The following PURG variants were observed in gnomAD, a reference collection of about 807,000 sequenced individuals.
PURG encodes the protein purine-rich element-binding protein gamma.
Under a neutral mutation model 24.3 loss-of-function variants are expected in PURG, and 3 were observed. The ratio of observed to expected loss-of-function variants is 0.12; its 90% CI spans 0.06 to 0.32. The LOEUF is 0.32. PURG is among the 10% of genes least tolerant of loss of function. The pLI is 1.00. For synonymous variants in PURG, 180 were observed against 173.1 expected, an observed-to-expected ratio of 1.04 and a Z score of -0.31; for missense variants, 371 against 439.1, an observed-to-expected ratio of 0.84 and a Z score of 1.39.
intron 1 of PURG, among the ~76,000 whole-genome samples, chr8:31,020,113 G>A (rs911088677): frequency 7.9e-5 from 12 of 151,910 alleles, no homozygotes; most frequent in South Asian, 6.2e-4. Context: ...AGAGTTTGAA[G>A]ACAAAAAAAG....
Position 31,007,509 on chromosome 8 carries a change from T to C in PURG, c.865-10812A>G, listed in dbSNP as rs1296372226. Among the ~76,000 whole-genome samples, 5 of 152,340 alleles carry C rather than the reference T, an allele frequency of 3.3e-5. No homozygotes were observed. In the East Asian group the frequency reaches 9.6e-4, roughly 29 times the overall value. On this transcript the variant is annotated intron_variant, in intron 1 of 1. Transcript: ENST00000339382. ...GAAGGATAAAAACAAATATTCTGAATGACGTCTATATAATCTCACTGATTC... is the reference window on the plus strand; with the variant it reads ...GAAGGATAAAAACAAATATTCTGAACGACGTCTATATAATCTCACTGATTC...
chr8:31,018,620 C>T (rs1810918918), intron 1 of PURG, among the ~76,000 whole-genome samples: 1 of 152,082 alleles, frequency 6.6e-6, no homozygotes, highest in Non-Finnish European at 1.5e-5. Context: ...CTGTAATGAT[C>T]CATTTGAGTT....
chr8:31,014,709 G>A (rs1585359846), intron 1 of PURG, among the ~76,000 whole-genome samples: 4 of 152,212 alleles, frequency 2.6e-5, no homozygotes, highest in East Asian at 1.9e-4. Flanking sequence ...TACTACTTAC[G>A]TTATAAAGTG....
intron 1 of PURG, among the ~76,000 whole-genome samples, chr8:31,016,268 T>C (rs960290500): frequency 2.6e-5 from 4 of 151,838 alleles, no homozygotes; most frequent in African/African-American, 7.3e-5. Flanking sequence ...CAGTCCCAGC[T>C]ACTCAGGAGG....
downstream of PURG, among the ~76,000 whole-genome samples, chr8:31,026,518 C>G (rs569504791): frequency 1.1e-4 from 16 of 150,668 alleles, no homozygotes; most frequent in South Asian, 3.3e-3. Flanking sequence ...GATATGTTAA[C>G]TAGCTCAAGT....
At chr8:31,009,527 A>G (rs1365344747) in intron 1 of PURG, among the ~76,000 whole-genome samples, 1 of 152,230 alleles carries the variant, frequency 6.6e-6, no homozygotes, top group Non-Finnish European at 1.5e-5. Context: ...GTGATGCTAC[A>G]AAACCATGGT....
At chr8:31,000,647 A>T (rs1167082538) in intron 1 of PURG, among the ~76,000 whole-genome samples, 2 of 152,256 alleles carry the variant, frequency 1.3e-5, no homozygotes, top group East Asian at 3.9e-4. Flanking sequence ...AAAGTACTAA[A>T]ATTAAAATTA....
In PURG at chr8:31,009,016, A is replaced by G. The variant is rs576995287; in HGVS notation, c.865-12319T>C. Among the ~76,000 whole-genome samples the G allele has an allele frequency of 8.5e-5, 13 of 152,334 alleles. No homozygotes were observed. The East Asian group carries it at 1.4e-3, about 16-fold the overall frequency. On this transcript the variant is annotated intron_variant, in intron 1 of 1. Transcript: ENST00000339382. ...GGCAAAAGGCAAGTGTGGAACTCCTATTAAGCTCCTCTGTGATAATCTTAG... is the reference window on the plus strand; with the variant it reads ...GGCAAAAGGCAAGTGTGGAACTCCTGTTAAGCTCCTCTGTGATAATCTTAG...
chr8:31,015,911 G>C (rs1219059164), intron 1 of PURG, among the ~76,000 whole-genome samples: 1 of 152,110 alleles, frequency 6.6e-6, no homozygotes, highest in Non-Finnish European at 1.5e-5. Context: ...AAATTCGCCA[G>C]GCATGGTGGC....
chr8:31,011,029 G>A (rs1304506342), intron 1 of PURG, among the ~76,000 whole-genome samples: 1 of 152,164 alleles, frequency 6.6e-6, no homozygotes, highest in Non-Finnish European at 1.5e-5. Flanking sequence ...TGACACAGAG[G>A]TGTTAGTAAA....
chr8:31,016,617 C>T (rs1392431921), intron 1 of PURG, among the ~76,000 whole-genome samples: 7 of 83,334 alleles, frequency 8.4e-5, no homozygotes, highest in African/African-American at 1.4e-4. Flanking sequence ...AAAGAAAGAA[C>T]GCAAGTCCAC....
chr8:31,013,684 C>T (rs533383874), intron 1 of PURG, among the ~76,000 whole-genome samples: 8 of 152,302 alleles, frequency 5.3e-5, no homozygotes, highest in African/African-American at 1.9e-4. Context: ...TTGCAGTGAG[C>T]CGAGGTCGCG....
At chr8:31,008,677 A>G (rs1047347796) in intron 1 of PURG, among the ~76,000 whole-genome samples, 18 of 152,332 alleles carry the variant, frequency 1.2e-4, no homozygotes, top group African/African-American at 7.2e-5. Context: ...TTTGTTATCA[A>G]TATAATTCCC....
intron 1 of PURG, among the ~76,000 whole-genome samples, chr8:31,017,628 TAGA>T (rs1412775742): frequency 6.6e-6 from 1 of 152,138 alleles, no homozygotes; most frequent in Non-Finnish European, 1.5e-5. Flanking sequence ...CACAGATGAT[TAGA>T]AGAAGTGACA....
Position 31,032,903 on chromosome 8 carries a change from G to A in PURG, c.-6-115C>T, listed in dbSNP as rs2005383. The A allele has an allele frequency of 0.077, 58,722 of 765,708 alleles. 2,526 individuals carry two copies. The highest frequency in any genetic ancestry group is 0.088 in the Non-Finnish European group (51,523 of 583,126). 47.4% of individuals were successfully genotyped at this position (765,708 alleles called of 1,614,324 possible). On this transcript the variant is annotated intron_variant, in intron 1 of 1. Coordinates refer to ENST00000523392, the MANE Select transcript of PURG (RefSeq NM_001323311.2). This position sits in a 1 kb window ranked among gnomAD's most constrained non-coding sequence, Gnocchi z 5.9. The stretch of plus-strand genomic sequence containing the variant: ...CGCCCGCGACCCCCACGCCGGGCCC[G>A]GCTCCCCCGGCGCCGCAGCGCGGGG...
chr8:31,020,729 T>C (rs555895957), intron 1 of PURG, among the ~76,000 whole-genome samples: 1 of 152,336 alleles, frequency 6.6e-6, no homozygotes, highest in African/African-American at 2.4e-5. Flanking sequence ...TAGCTCTCAG[T>C]CTTCTTTCTA....
At position 31,031,943 on chromosome 8, in the gene PURG, A is replaced by G; in HGVS notation, c.840T>C (p.Ser280=). The G allele has an allele frequency of 6.2e-7, 1 of 1,614,230 alleles. No homozygotes were observed. The highest frequency in any genetic ancestry group is 8.5e-7 in the Non-Finnish European group (1 of 1,180,042). ...DNKRFYFDVG[S]NKYGIFLKVS... is the part of the protein sequence containing the mutation. Reference sequence around the variant, plus strand: ...CCTTCAGGAAAATTCCATATTTATTAGAGCCCACATCAAAGTAGAACCTTT... The same window carrying G: ...CCTTCAGGAAAATTCCATATTTATTGGAGCCCACATCAAAGTAGAACCTTT... Residue 280 remains serine (S), a synonymous_variant, in exon 2 of 2, where the codon TCT becomes TCC. Transcript: ENST00000523392.
At chr8:31,021,133 T>A (rs957752853) in intron 1 of PURG, among the ~76,000 whole-genome samples, 1 of 152,092 alleles carries the variant, frequency 6.6e-6, no homozygotes, top group African/African-American at 2.4e-5. Flanking sequence ...TGGAATGATA[T>A]AGGGAGGAGT....
intron 1 of PURG, among the ~76,000 whole-genome samples, chr8:31,006,528 A>C (rs1361861683): frequency 2.6e-5 from 4 of 152,070 alleles, no homozygotes; most frequent in Non-Finnish European, 5.9e-5. Context: ...CAAAACAAAA[A>C]CAAAAACAAA....
Sources: allele counts gnomAD v4.1 joint callset (sites outside exome capture counted in the v4.1 genomes callset), GRCh38; gene constraint gnomAD v4.1.1; non-coding constraint Gnocchi (gnomAD v3.1); transcripts MANE v1.5; gene names NCBI Gene and HGNC (gene_info 2026-07-23, HGNC 2026-07-21).